The following TEX55 variants were observed in gnomAD, a reference collection of about 807,000 sequenced individuals.
TEX55 encodes the protein testis-specific expressed protein 55.
Under a neutral mutation model 44.6 loss-of-function variants are expected in TEX55, and 31 were observed. The observed-to-expected ratio is 0.69, with a 90% CI of 0.52 to 0.94. The LOEUF is 0.94. Among genes scored for constraint, TEX55 ranks in the 40% least tolerant of loss-of-function variants. TEX55 has a pLI of 0.00. For synonymous variants in TEX55, 230 were observed against 230.9 expected, an observed-to-expected ratio of 1.00 and a Z score of 0.04; for missense variants, 639 against 638.4, an observed-to-expected ratio of 1.00 and a Z score of -0.01.
In TEX55 at chr3:119,146,291, C is replaced by T; in HGVS notation, c.102C>T (p.Asp34=). The change falls in exon 1 of 3, where the codon GAC becomes GAT. Residue 34 remains aspartate (D), a synonymous_variant. Transcript: ENST00000295622. ...AGHTKGQEED[D]QKNQAERKAD... is the part of the protein sequence containing the mutation. The stretch of plus-strand genomic sequence containing the variant: ...ACACTAAGGGCCAGGAAGAAGACGA[C>T]CAGAAGAACCAGGCCGAAAGGAAGG... 1.2e-6 allele frequency: 2 copies of T among 1,614,102 alleles called. No homozygotes were observed.
At position 119,147,440 on chromosome 3, in the gene TEX55, T is replaced by C; in HGVS notation, c.1251T>C (p.Thr417=). The C allele has an allele frequency of 6.2e-7, 1 of 1,614,146 alleles. No individual in the cohort carries two copies. The highest frequency in any genetic ancestry group is 1.3e-5 in the African/African-American group (1 of 75,046). The change falls in exon 1 of 3, where the codon ACT becomes ACC. Residue 417 remains threonine (T), a synonymous_variant. Coordinates refer to ENST00000295622, the MANE Select transcript of TEX55 (RefSeq NM_152539.3). The part of the protein sequence containing the change: ...SVEMETQNAT[T]IPPYNPVDAR... ...AAATGGAAACTCAGAATGCAACCACTATCCCACCCTACAACCCAGTTGATG... is the reference window on the plus strand; with the variant it reads ...AAATGGAAACTCAGAATGCAACCACCATCCCACCCTACAACCCAGTTGATG...
chr3:119,148,236 T>G lies in TEX55; in HGVS notation c.1455T>G (p.Tyr485Ter). The G allele has an allele frequency of 6.2e-7, 1 of 1,612,096 alleles. No homozygotes were observed. The highest frequency in any genetic ancestry group is 1.1e-5 in the South Asian group (1 of 90,458). The change falls in exon 2 of 3, where the codon TAT becomes TAG. Residue 485 changes from tyrosine to a stop codon, truncating the protein, a stop_gained. Transcript: ENST00000295622. LOFTEE classifies it high-confidence loss of function. ...GTTATCATATACGCAATCAAACTTA[T>G]AGAAGGTTCCCTTCTATAGTTTATG... is the stretch of plus-strand genomic sequence containing the variant. Reference protein sequence around the residue: ...GKGYHIRNQTYRRFPSIVYED... With the variant: ...GKGYHIRNQT
Position 119,146,451 on chromosome 3 carries a change from G to A in TEX55, c.262G>A (p.Gly88Ser). 6.2e-7 allele frequency: 1 copy of A among 1,614,178 alleles called. No individual in the cohort carries two copies. Among genetic ancestry groups the A allele is most frequent in the Non-Finnish European group, 8.5e-7 (1 of 1,180,038 alleles). The change falls in exon 1 of 3, where the codon GGC (glycine) becomes AGC (serine). Residue 88 changes from glycine to serine, a missense_variant. Physicochemically the swap from Gly to Ser is moderately conservative, Grantham distance 56 (BLOSUM62 0). Transcript: ENST00000295622. ...QNGHSTPGQA[G>S]RRASNPADVS... ...TGGGCATAGTACACCTGGTCAGGCT[G>A]GCCGCAGAGCATCCAACCCTGCTGA...
Position 119,146,742 on chromosome 3 carries a change from C to G in TEX55, c.553C>G (p.Gln185Glu). The change falls in exon 1 of 3, where the codon CAG (glutamine) becomes GAG (glutamate). Residue 185 changes from glutamine to glutamate, a missense_variant. Gln to Glu is a conservative substitution (Grantham distance 29). Coordinates refer to ENST00000295622, the MANE Select transcript of TEX55 (RefSeq NM_152539.3). The part of the protein sequence containing the change: ...SRQTDHRMAG[Q>E]SERRASEQMD... ...ACAGACCGACCACAGAATGGCAGGC[C>G]AGTCTGAGAGAAGAGCTTCCGAGCA... 6.2e-7 allele frequency: 1 copy of G among 1,614,102 alleles called. No individual in the cohort carries two copies. The highest frequency in any genetic ancestry group is 8.5e-7 in the Non-Finnish European group (1 of 1,179,986).
intron 2 of TEX55, among the ~76,000 whole-genome samples, chr3:119,149,675 T>C (rs2077764238): frequency 6.6e-6 from 1 of 152,166 alleles, no homozygotes; most frequent in Admixed American, 6.6e-5. Context: ...CACAGACACA[T>C]GAGTAATGCT....
In TEX55 at chr3:119,151,395, G is replaced by C; in HGVS notation, c.*103G>C. ...AGTACGTACAACTCTGAATTCTTAT[G>C]AAGTAAACATACCTGTAACTACCAT... On this transcript the variant is annotated 3_prime_UTR_variant, in exon 3 of 3. Transcript: ENST00000295622. The C allele has an allele frequency of 1.1e-6, 1 of 922,364 alleles. No individual in the cohort carries two copies. Among genetic ancestry groups the C allele is most frequent in the Non-Finnish European group, 1.7e-6 (1 of 602,898 alleles). The allele number at this position is 922,364 out of a possible 1,614,324, so 57.1% of individuals were successfully genotyped here. A position where few individuals can be genotyped will look rare whatever the true frequency, so the allele number is the denominator to read the frequency against.
chr3:119,151,202 T>C (rs1479145116), intron 2 of TEX55, 22 bp from the exon 3 acceptor site: 3 of 1,486,208 alleles, frequency 2.0e-6, no homozygotes, highest in Non-Finnish European at 2.8e-6. Flanking sequence ...CATAATGTGA[T>C]GCCTTATGCT....
chr3:119,147,002 T>C lies in TEX55; in HGVS notation c.813T>C (p.Ser271=). 6.2e-7 allele frequency: 1 copy of C among 1,614,216 alleles called. No homozygotes were observed. Among genetic ancestry groups the C allele is most frequent in the Non-Finnish European group, 8.5e-7 (1 of 1,180,022 alleles). The stretch of plus-strand genomic sequence containing the variant: ...CAGGGAAAGTTAGGAGAAGAAGTTC[T>C]GAGAAGACTGACTACAGATTGGCTG... The part of the protein sequence containing the change: ...RMSGKVRRRS[S]EKTDYRLAGL... The change falls in exon 1 of 3, where the codon TCT becomes TCC. Residue 271 remains serine (S), a synonymous_variant. Transcript: ENST00000295622.
chr3:119,150,241 A>T (rs1379838632), intron 2 of TEX55, among the ~76,000 whole-genome samples: 1 of 152,124 alleles, frequency 6.6e-6, no homozygotes, highest in Non-Finnish European at 1.5e-5. Flanking sequence ...TTAATTAAAG[A>T]ACTACTAATT....
Position 119,147,574 on chromosome 3 carries a change from T to C in TEX55, c.1385T>C (p.Ile462Thr). 6.2e-7 allele frequency: 1 copy of C among 1,612,878 alleles called. No homozygotes were observed. The highest frequency in any genetic ancestry group is 8.5e-7 in the Non-Finnish European group (1 of 1,179,494). Residue 462 changes from isoleucine (I) to threonine (T), a missense_variant, in exon 1 of 3, where the codon ATA (isoleucine) becomes ACA (threonine). Physicochemically the swap from Ile to Thr is moderately conservative, Grantham distance 89. Transcript: ENST00000295622. ...YTSSQEKTQA[I>T]VTKSDEFSEI... The stretch of plus-strand genomic sequence containing the variant: ...AGCAGTCAAGAAAAAACTCAAGCCA[T>C]AGTAACCAAATCTGTAAGTTAAATG...
chr3:119,147,732 T>G (rs2077742867), intron 1 of TEX55, 145 bp downstream of exon 1: 1 of 725,200 alleles, frequency 1.4e-6, no homozygotes, highest in African/African-American at 1.8e-5. Flanking sequence ...GTGTGACCCA[T>G]AATTTCAGGA....
chr3:119,147,211 C>T lies in TEX55; in HGVS notation c.1022C>T (p.Thr341Ile). ...DQPPVDNAHY[T>I]ESDQTDHLAD... ...CCTCCAGTTGACAATGCTCACTACA[C>T]TGAATCTGACCAGACTGACCACTTA... The change falls in exon 1 of 3, where the codon ACT (threonine) becomes ATT (isoleucine). Residue 341 changes from threonine (T) to isoleucine (I), a missense_variant. By Grantham distance (89) the Thr-to-Ile change is moderately conservative. Transcript: ENST00000295622. 2.5e-6 allele frequency: 4 copies of T among 1,614,160 alleles called. No homozygotes were observed. Among genetic ancestry groups the T allele is most frequent in the Non-Finnish European group, 3.4e-6 (4 of 1,180,022 alleles).
Position 119,146,992 on chromosome 3 carries a change from G to T in TEX55, c.803G>T (p.Arg268Ile), listed in dbSNP as rs766570626. Residue 268 changes from arginine to isoleucine, a missense_variant, in exon 1 of 3, where the codon AGA becomes ATA. Coordinates refer to ENST00000295622, the MANE Select transcript of TEX55 (RefSeq NM_152539.3). ...IDRRMSGKVR[R>I]RSSEKTDYRL... is the part of the protein sequence containing the mutation. ...CGCAGAATGTCAGGGAAAGTTAGGA[G>T]AAGAAGTTCTGAGAAGACTGACTAC... 2.0e-5 allele frequency: 33 copies of T among 1,614,020 alleles called. No individual in the cohort carries two copies. Among genetic ancestry groups the T allele is most frequent in the Admixed American group, 5.0e-5 (3 of 59,998 alleles).
chr3:119,149,391 C>A (rs576306592), intron 2 of TEX55, among the ~76,000 whole-genome samples: 1 of 152,248 alleles, frequency 6.6e-6, no homozygotes, highest in East Asian at 1.9e-4. Flanking sequence ...ACAACTTGTC[C>A]CACTGGAAGG....
At chr3:119,150,838 A>G (rs1021470415) in intron 2 of TEX55, among the ~76,000 whole-genome samples, 21 of 152,198 alleles carry the variant, frequency 1.4e-4, no homozygotes, top group Non-Finnish European at 2.9e-5. Context: ...ATTGCTATTT[A>G]TACTAAATTT....
chr3:119,146,988 A>G lies in TEX55; in HGVS notation c.799A>G (p.Arg267Gly). ...QIDRRMSGKV[R>G]RRSSEKTDYR... ...TGACCGCAGAATGTCAGGGAAAGTT[A>G]GGAGAAGAAGTTCTGAGAAGACTGA... The change falls in exon 1 of 3, where the codon AGG (arginine) becomes GGG (glycine). Residue 267 changes from arginine to glycine, a missense_variant. Physicochemically the swap from Arg to Gly is moderately radical, Grantham distance 125. Coordinates refer to ENST00000295622, the MANE Select transcript of TEX55 (RefSeq NM_152539.3). 1 of 1,614,220 alleles carries G rather than the reference A, an allele frequency of 6.2e-7. No individual in the cohort carries two copies. The highest frequency in any genetic ancestry group is 8.5e-7 in the Non-Finnish European group (1 of 1,180,026).
chr3:119,147,437 C>G lies in TEX55; in HGVS notation c.1248C>G (p.Thr416=), dbSNP rs2077738440. 6.2e-7 allele frequency: 1 copy of G among 1,614,092 alleles called. No homozygotes were observed. Among genetic ancestry groups the G allele is most frequent in the Non-Finnish European group, 8.5e-7 (1 of 1,180,004 alleles). The change falls in exon 1 of 3, where the codon ACC becomes ACG. Residue 416 remains threonine (T), a synonymous_variant. Transcript: ENST00000295622. ...TTGAAATGGAAACTCAGAATGCAAC[C>G]ACTATCCCACCCTACAACCCAGTTG... is the stretch of plus-strand genomic sequence containing the variant. ...PSVEMETQNA[T]TIPPYNPVDA...
In TEX55 at chr3:119,147,651, T is replaced by C. The variant is rs1576851635; in HGVS notation, c.1398+64T>C. Reference sequence around the variant, plus strand: ...AGAGATCTAGACGGGGCCTGGAGAGTAAAAATAGGGGTACAACGGAAGGGC... The same window carrying C: ...AGAGATCTAGACGGGGCCTGGAGAGCAAAAATAGGGGTACAACGGAAGGGC... On this transcript the variant is annotated intron_variant, in intron 1 of 2. Coordinates refer to ENST00000295622, the MANE Select transcript of TEX55 (RefSeq NM_152539.3). The C allele has an allele frequency of 2.9e-6, 4 of 1,383,890 alleles. No homozygotes were observed. In the South Asian group the frequency reaches 5.4e-5, roughly 19 times the overall value. 85.7% of individuals were successfully genotyped at this position (1,383,890 alleles called of 1,614,324 possible).
At chr3:119,151,136 G>A (rs1324618765) in intron 2 of TEX55, 88 bp from the exon 3 acceptor site, 1 of 856,124 alleles carries the variant, frequency 1.2e-6, no homozygotes, top group Non-Finnish European at 2.0e-6. Context: ...GTATGTGTTA[G>A]GTTAGTGGGA....
Sources: gnomAD v4.1 joint callset for allele counts (sites outside exome capture counted in the v4.1 genomes callset) on GRCh38, gnomAD v4.1.1 for gene constraint, MANE v1.5 for transcripts, NCBI Gene and HGNC (gene_info 2026-07-23, HGNC 2026-07-21) for gene names.